The following SHPK variants were observed in gnomAD, a reference collection of about 807,000 sequenced individuals.
SHPK encodes the protein sedoheptulokinase.
SHPK carries 51 observed loss-of-function variants against 46.3 expected under a neutral mutation model. The observed-to-expected ratio is 1.10, with a 90% CI of 0.88 to 1.39. The LOEUF is 1.39. Ranked by LOEUF, SHPK falls within the 40% of genes most tolerant of loss-of-function variation. SHPK has a pLI of 0.00. For missense variants in SHPK, 668 were observed against 641.3 expected, an observed-to-expected ratio of 1.04 and a Z score of -0.45; for synonymous variants, 290 against 273.9, an observed-to-expected ratio of 1.06 and a Z score of -0.58.
Position 3,610,588 on chromosome 17 carries a change from C to A in SHPK, c.1409G>T (p.Arg470Leu). 6.2e-7 allele frequency: 1 copy of A among 1,608,318 alleles called. No individual in the cohort carries two copies. The highest frequency in any genetic ancestry group is 8.5e-7 in the Non-Finnish European group (1 of 1,175,440). The stretch of plus-strand genomic sequence containing the variant: ...AGATTCCTTCTGGTTGAGGTGTCTC[C>A]GGAGCATGACCAGAGCTGCCCCGAC... ...AAVGAALVML[R>L]RHLNQKES Residue 470 changes from arginine (R) to leucine (L), a missense_variant, in exon 7 of 7, where the codon CGG becomes CTG. Coordinates refer to ENST00000225519, the MANE Select transcript of SHPK (RefSeq NM_013276.4).
rs894340614 is a variant in SHPK, at chr17:3,616,138, C to A, written c.824-601G>T. ...AAGTGTTCGGATTACAGGTGTGAGC[C>A]ACCGTGCCCGGCCGATACTCCTCCT... On this transcript the variant is annotated intron_variant, in intron 5 of 6. Coordinates refer to ENST00000225519, the MANE Select transcript of SHPK (RefSeq NM_013276.4). Among the ~76,000 whole-genome samples, 49 of 152,168 alleles carry A rather than the reference C, an allele frequency of 3.2e-4. 1 individual carries two copies. Among genetic ancestry groups the A allele is most frequent in the Non-Finnish European group, 5.9e-5 (4 of 68,024 alleles).
In SHPK at chr17:3,615,459, G is replaced by T; in HGVS notation, c.902C>A (p.Thr301Lys). Reference protein sequence around the residue: ...GFQPAQTPDPTAPVAYFPYFN... With the variant: ...GFQPAQTPDPKAPVAYFPYFN... ...GTATGGGAAGTAGGCGACTGGGGCCGTAGGGTCTGGAGTCTGTGCAGGCTG... is the reference window on the plus strand; with the variant it reads ...GTATGGGAAGTAGGCGACTGGGGCCTTAGGGTCTGGAGTCTGTGCAGGCTG... Residue 301 changes from threonine (T) to lysine (K), a missense_variant, in exon 6 of 7, where the codon ACG (threonine) becomes AAG (lysine). Transcript: ENST00000225519. 1 of 1,614,150 alleles carries T rather than the reference G, an allele frequency of 6.2e-7. No individual in the cohort carries two copies. The highest frequency in any genetic ancestry group is 1.1e-5 in the South Asian group (1 of 91,084).
intron 1 of SHPK, among the ~76,000 whole-genome samples, chr17:3,632,310 G>A (rs924391085): frequency 3.3e-5 from 5 of 152,190 alleles, no homozygotes; most frequent in Non-Finnish European, 7.4e-5. Flanking sequence ...CCAGCTGGGC[G>A]CAGCGGCTCA....
In SHPK at chr17:3,608,546, G is replaced by A. The variant is rs1419033762; in HGVS notation, c.*2014C>T. ...GGACGGTTTGCATCCCAGATGGCAC[G>A]GCAGAGACTCTCCATCACACTGCTC... is the stretch of plus-strand genomic sequence containing the variant. On this transcript the variant is annotated 3_prime_UTR_variant, in exon 7 of 7. Coordinates refer to ENST00000225519, the MANE Select transcript of SHPK (RefSeq NM_013276.4). The A allele has an allele frequency of 2.0e-5, 3 of 152,146 alleles. No individual in the cohort carries two copies. The highest frequency in any genetic ancestry group is 2.1e-4 in the South Asian group (1 of 4,822). The allele number at this position is 152,146 out of a possible 1,614,324, so 9.4% of individuals were successfully genotyped here. A position where few individuals can be genotyped will look rare whatever the true frequency, so the allele number is the denominator to read the frequency against.
rs2075484728 is a variant in SHPK at position 3,633,319 on chromosome 17, G to A, written c.168+2733C>T. 2.0e-5 allele frequency among the ~76,000 whole-genome samples: 3 copies of A among 151,432 alleles called. No individual in the cohort carries two copies. The Admixed American group carries it at 2.0e-4, about 10-fold the overall frequency. ...TAGATCACTGGTTCCTACTCGGGGTGGTCTTGTCACCTAGGGAACATTTGG... is the reference window on the plus strand; with the variant it reads ...TAGATCACTGGTTCCTACTCGGGGTAGTCTTGTCACCTAGGGAACATTTGG... On this transcript the variant is annotated intron_variant, in intron 1 of 6. Coordinates refer to ENST00000225519, the MANE Select transcript of SHPK (RefSeq NM_013276.4).
rs1384297718 is a variant in SHPK at position 3,618,403 on chromosome 17, C to A, written c.823+2834G>T. ...TACAGGTGTAAGCCACCGCACCCAGCCAAATAAACTTTTTAAAATTTAAAT... is the reference window on the plus strand; with the variant it reads ...TACAGGTGTAAGCCACCGCACCCAGACAAATAAACTTTTTAAAATTTAAAT... On this transcript the variant is annotated intron_variant, in intron 5 of 6. Coordinates refer to ENST00000225519, the MANE Select transcript of SHPK (RefSeq NM_013276.4). 4.6e-5 allele frequency among the ~76,000 whole-genome samples: 7 copies of A among 152,226 alleles called. No homozygotes were observed. The East Asian group carries it at 9.7e-4, about 21-fold the overall frequency.
chr17:3,629,715 T>G (rs1319385832), intron 2 of SHPK, among the ~76,000 whole-genome samples: 4 of 129,966 alleles, frequency 3.1e-5, no homozygotes, highest in Admixed American at 1.8e-4. Flanking sequence ...GTAACAAGAG[T>G]GAAACTCCAC....
At chr17:3,617,025 CTGT>C (rs2075374725) in intron 5 of SHPK, among the ~76,000 whole-genome samples, 1 of 152,094 alleles carries the variant, frequency 6.6e-6, no homozygotes, top group African/African-American at 2.4e-5. Flanking sequence ...GTGCCCGCCA[CTGT>C]GCCCAGCTAA....
At chr17:3,614,217 T>G (rs912792231) in intron 6 of SHPK, among the ~76,000 whole-genome samples, 2 of 152,176 alleles carry the variant, frequency 1.3e-5, no homozygotes, top group Non-Finnish European at 1.5e-5. Context: ...CCCCGCACCG[T>G]GCTTCTTTAA....
At chr17:3,623,240 C>T (rs2075413175) in intron 4 of SHPK, 99 bp downstream of exon 4, 4 of 1,378,846 alleles carry the variant, frequency 2.9e-6, no homozygotes, top group Middle Eastern at 2.5e-4. Flanking sequence ...GGGAACCCTC[C>T]ACCACTCCCA....
Position 3,626,231 on chromosome 17 carries a change from A to C in SHPK, c.311-2000T>G, listed in dbSNP as rs1447233233. The stretch of plus-strand genomic sequence containing the variant: ...CTTAAAAGTTCACTAGAATATATCT[A>C]GCTGGGGGTTGTCTTTATCTCCTCT... On this transcript the variant is annotated intron_variant, in intron 2 of 6. Transcript: ENST00000225519. Among the ~76,000 whole-genome samples, 10 of 152,268 alleles carry C rather than the reference A, an allele frequency of 6.6e-5. No individual in the cohort carries two copies. In the East Asian group the frequency reaches 1.7e-3, roughly 26 times the overall value.
At chr17:3,617,891 G>C (rs978843479) in intron 5 of SHPK, among the ~76,000 whole-genome samples, 2 of 152,174 alleles carry the variant, frequency 1.3e-5, no homozygotes, top group Non-Finnish European at 2.9e-5. Flanking sequence ...TGCTTTTTAA[G>C]CATTCTTATG....
chr17:3,615,278 G>T, intron 6 of SHPK, 59 bp downstream of exon 6: 1 of 1,539,854 alleles, frequency 6.5e-7, no homozygotes, highest in Non-Finnish European at 9.0e-7. Flanking sequence ...GAAGCTCCGA[G>T]ACCCTGCCGG....
intron 4 of SHPK, chr17:3,622,396 G>T (rs2075408380): frequency 6.2e-6 from 1 of 162,256 alleles, no homozygotes; most frequent in Non-Finnish European, 1.3e-5. Flanking sequence ...AAGGGAGGCA[G>T]CCGGAGGTTC....
intron 1 of SHPK, among the ~76,000 whole-genome samples, chr17:3,634,898 G>A (rs1016876539): frequency 1.3e-5 from 2 of 152,148 alleles, no homozygotes; most frequent in South Asian, 4.1e-4. Context: ...TGGGCCAGGC[G>A]CAGTGACTCA....
Position 3,615,389 on chromosome 17 carries a change from G to C in SHPK, c.972C>G (p.Gly324=), listed in dbSNP as rs750445241. 3.4e-5 allele frequency: 55 copies of C among 1,614,202 alleles called. No individual in the cohort carries two copies. The highest frequency in any genetic ancestry group is 4.7e-5 in the Non-Finnish European group (55 of 1,180,030). ...YLGVAASLNG[G]NVLATFVHML... ...TGTGGACGAACGTGGCCAGCACATT[G>C]CCCCCGTTGAGTGACGCGGCCACCC... Residue 324 remains glycine (G), a synonymous_variant, in exon 6 of 7, where the codon GGC becomes GGG. Coordinates refer to ENST00000225519, the MANE Select transcript of SHPK (RefSeq NM_013276.4).
chr17:3,619,862 C>T (rs1208952217), intron 5 of SHPK: 2 of 301,756 alleles, frequency 6.6e-6, no homozygotes, highest in Non-Finnish European at 6.7e-6. Context: ...TACCTGTGAG[C>T]ACCTGACAAC....
rs536315912 is a variant in SHPK at position 3,625,744 on chromosome 17, G to A, written c.311-1513C>T. 7.9e-5 allele frequency among the ~76,000 whole-genome samples: 12 copies of A among 152,242 alleles called. No homozygotes were observed. In the South Asian group the frequency reaches 1.5e-3, roughly 18 times the overall value. On this transcript the variant is annotated intron_variant, in intron 2 of 6. Coordinates refer to ENST00000225519, the MANE Select transcript of SHPK (RefSeq NM_013276.4). ...TAGGTTGGAGGTAGTTTGTTGTGCC[G>A]CAATAGGTCATCAAAATACTACTCC...
chr17:3,619,647 C>T (rs752306639), intron 5 of SHPK: 15 of 345,660 alleles, frequency 4.3e-5, no homozygotes, highest in African/African-American at 1.8e-4. Flanking sequence ...GCAGGAGAAT[C>T]GCTTGAACCC....
Sources: gnomAD v4.1 joint callset for allele counts (sites outside exome capture counted in the v4.1 genomes callset) on GRCh38, gnomAD v4.1.1 for gene constraint, MANE v1.5 for transcripts, NCBI Gene and HGNC (gene_info 2026-07-23, HGNC 2026-07-21) for gene names.